Variants in TAF4 observed in about 807,000 individuals in gnomAD.
The protein encoded by TAF4 is TATA-box binding protein associated factor 4, also known as transcription initiation factor TFIID subunit 4.
TAF4 carries 9 observed loss-of-function variants against 90.3 expected under a neutral mutation model. That is an observed-to-expected ratio of 0.10 (90% CI 0.06 to 0.17). The LOEUF (loss-of-function observed/expected upper bound fraction) is 0.17, where lower values mean the gene tolerates loss of function less well. Ranked by LOEUF, TAF4 falls within the 10% of genes least tolerant of loss-of-function variation. The pLI, the probability that TAF4 is intolerant of heterozygous loss-of-function variation, is 1.00. For synonymous variants in TAF4, 818 were observed against 638.9 expected, an observed-to-expected ratio of 1.28 and a Z score of -4.23; for missense variants, 1,351 against 1,370.7, an observed-to-expected ratio of 0.99 and a Z score of 0.23.
At chr20:62,018,653 G>A (rs1426701905) in intron 1 of TAF4, among the ~76,000 whole-genome samples, 1 of 152,216 alleles carries the variant, frequency 6.6e-6, no homozygotes, top group African/African-American at 2.4e-5. Flanking sequence ...GACACTGGCC[G>A]TGTCCCCACC....
At chr20:62,059,436 G>C (rs569626757) in intron 1 of TAF4, among the ~76,000 whole-genome samples, 194 of 152,312 alleles carry the variant, frequency 1.3e-3, no homozygotes, top group Non-Finnish European at 1.5e-3. Context: ...AACATAACTT[G>C]ACAGCACTTA....
At chr20:61,979,960 A>G (rs1008664032) in intron 14 of TAF4, among the ~76,000 whole-genome samples, 1 of 152,220 alleles carries the variant, frequency 6.6e-6, no homozygotes, top group Non-Finnish European at 1.5e-5. Flanking sequence ...ACAGCTCCAC[A>G]AGGGCCGGCA....
chr20:62,007,110 A>ATTCT, intron 6 of TAF4: 1 of 273,648 alleles, frequency 3.7e-6, no homozygotes, highest in Admixed American at 5.1e-5. Flanking sequence ...AAATATCCTG[A>ATTCT]TTCTATCTAT....
intron 1 of TAF4, among the ~76,000 whole-genome samples, chr20:62,021,563 T>C (rs896712059): frequency 6.6e-6 from 1 of 152,236 alleles, no homozygotes; most frequent in South Asian, 2.1e-4. Context: ...CAGGGCTGCG[T>C]GGGCTGGGCC....
intron 2 of TAF4, among the ~76,000 whole-genome samples, chr20:62,013,757 C>T (rs961221160): frequency 5.3e-5 from 8 of 152,194 alleles, no homozygotes; most frequent in East Asian, 1.9e-4. Context: ...GAACACGCAG[C>T]GTGCGGGCAC....
chr20:62,020,016 T>C lies in TAF4; in HGVS notation c.1361-5309A>G, dbSNP rs1055761336. Among the ~76,000 whole-genome samples the C allele has an allele frequency of 1.1e-4, 16 of 152,252 alleles. 1 individual carries two copies. Among genetic ancestry groups the C allele is most frequent in the African/African-American group, 3.8e-4 (16 of 41,568 alleles). On this transcript the variant is annotated intron_variant, in intron 1 of 14. Coordinates refer to ENST00000252996, the MANE Select transcript of TAF4 (RefSeq NM_003185.4). The stretch of plus-strand genomic sequence containing the variant: ...CCTGAGGCCCAGCCCCGGCTACCTC[T>C]TGGCCCTGCACCACCCGCCCTGGCT...
In TAF4 at chr20:62,010,229, A is replaced by G; in HGVS notation, c.1642-64T>C. On this transcript the variant is annotated intron_variant, in intron 3 of 14. Transcript: ENST00000252996. The surrounding 1 kb of genome is among the most constrained non-coding windows in gnomAD (Gnocchi z 4.5). ...GCCACCAGCTGACGAGGGGGAGACC[A>G]GCCTCACGCCCAGCAAAAGAAAACA... 6.2e-7 allele frequency: 1 copy of G among 1,608,312 alleles called. No homozygotes were observed. The highest frequency in any genetic ancestry group is 8.5e-7 in the Non-Finnish European group (1 of 1,177,608).
intron 1 of TAF4, among the ~76,000 whole-genome samples, chr20:62,018,056 G>A (rs188449654): frequency 1.3e-5 from 2 of 152,266 alleles, no homozygotes; most frequent in Non-Finnish European, 2.9e-5. Flanking sequence ...GGAATCAAAC[G>A]TCCCACAAGA....
Position 62,010,237 on chromosome 20 carries a change from G to T in TAF4, c.1642-72C>A. 1 of 1,603,696 alleles carries T rather than the reference G, an allele frequency of 6.2e-7. No homozygotes were observed. The highest frequency in any genetic ancestry group is 1.1e-5 in the South Asian group (1 of 90,850). On this transcript the variant is annotated intron_variant, in intron 3 of 14. Coordinates refer to ENST00000252996, the MANE Select transcript of TAF4 (RefSeq NM_003185.4). The surrounding 1 kb of genome is among the most constrained non-coding windows in gnomAD (Gnocchi z 4.5). ...CTGACGAGGGGGAGACCAGCCTCAC[G>T]CCCAGCAAAAGAAAACAAGCCTCCC...
intron 14 of TAF4, among the ~76,000 whole-genome samples, chr20:61,984,513 T>A (rs1327274655): frequency 3.3e-5 from 4 of 120,514 alleles, no homozygotes; most frequent in Non-Finnish European, 1.8e-5. Context: ...GGTGAAAAGC[T>A]ACGGGACATC....
At chr20:62,025,901 T>G (rs1030726442) in intron 1 of TAF4, among the ~76,000 whole-genome samples, 2 of 151,904 alleles carry the variant, frequency 1.3e-5, no homozygotes, top group Non-Finnish European at 2.9e-5. Context: ...GGGGGTAGGG[T>G]TCACCATGCT....
At chr20:62,025,734 T>G (rs2055871032) in intron 1 of TAF4, among the ~76,000 whole-genome samples, 2 of 152,348 alleles carry the variant, frequency 1.3e-5, no homozygotes, top group South Asian at 4.1e-4. Context: ...CCTTGGGTAT[T>G]TTTTTATAGC....
intron 14 of TAF4, among the ~76,000 whole-genome samples, chr20:61,976,572 A>G (rs532568707): frequency 5.3e-5 from 8 of 152,344 alleles, no homozygotes; most frequent in African/African-American, 1.9e-4. Flanking sequence ...ATGCTGCCCA[A>G]TGCCCCACAG....
chr20:62,027,462 C>G (rs2055881375), intron 1 of TAF4, among the ~76,000 whole-genome samples: 2 of 152,176 alleles, frequency 1.3e-5, no homozygotes, highest in South Asian at 4.1e-4. Context: ...GCTCCCTGGG[C>G]TCAGGGATTA....
rs1186437060 is a variant in TAF4 at position 61,975,371 on chromosome 20, A to G, written c.*797T>C. On this transcript the variant is annotated 3_prime_UTR_variant, in exon 15 of 15. Transcript: ENST00000252996. ...AACAGTCTTTTGATGATTCTTCTCA[A>G]CTTTGATTTTATTTAATCTAGGTTT... 6.6e-6 allele frequency: 1 copy of G among 152,400 alleles called. No individual in the cohort carries two copies. Among genetic ancestry groups the G allele is most frequent in the Non-Finnish European group, 1.5e-5 (1 of 68,024 alleles). The allele number at this position is 152,400 out of a possible 1,614,324, so 9.4% of individuals were successfully genotyped here.
At chr20:62,061,027 C>G (rs1447412915) in intron 1 of TAF4, among the ~76,000 whole-genome samples, 2 of 152,270 alleles carry the variant, frequency 1.3e-5, no homozygotes, top group African/African-American at 4.8e-5. Context: ...CACTTTACAG[C>G]TGGGTAAGCC....
At chr20:62,021,027 A>G (rs1410670322) in intron 1 of TAF4, among the ~76,000 whole-genome samples, 1 of 152,156 alleles carries the variant, frequency 6.6e-6, no homozygotes, top group Non-Finnish European at 1.5e-5. Flanking sequence ...GGGGAAAAAC[A>G]CAGATCCCAG....
chr20:62,020,316 C>T (rs537502557), intron 1 of TAF4, among the ~76,000 whole-genome samples: 9 of 152,300 alleles, frequency 5.9e-5, no homozygotes, highest in African/African-American at 1.9e-4. Flanking sequence ...GCTCTCAGCC[C>T]CAGCTCTCCT....
intron 13 of TAF4, 94 bp from the exon 14 acceptor site, chr20:61,997,763 G>T: frequency 7.1e-7 from 1 of 1,402,472 alleles, no homozygotes; most frequent in Non-Finnish European, 9.4e-7. Flanking sequence ...GTTTTCTGTA[G>T]TTTTCTAAAT....
Sources: allele counts gnomAD v4.1 joint callset (sites outside exome capture counted in the v4.1 genomes callset), GRCh38; gene constraint gnomAD v4.1.1; non-coding constraint Gnocchi (gnomAD v3.1); transcripts MANE v1.5; gene names NCBI Gene and HGNC (gene_info 2026-07-23, HGNC 2026-07-21).